PTPRD: variants seen among roughly 807,000 people sequenced by gnomAD.
PTPRD encodes receptor-type tyrosine-protein phosphatase delta.
Under a neutral mutation model 214.5 loss-of-function variants are expected in PTPRD, and 34 were observed. The ratio of observed to expected loss-of-function variants is 0.16; its 90% CI spans 0.12 to 0.21. The LOEUF (loss-of-function observed/expected upper bound fraction) is 0.21. Among genes scored for constraint, PTPRD ranks in the 10% least tolerant of loss-of-function variants. The pLI is 1.00. For missense variants in PTPRD, 2,545 were observed against 2,398.7 expected, an observed-to-expected ratio of 1.06 and a Z score of -1.27; for synonymous variants, 1,128 against 845.7, an observed-to-expected ratio of 1.33 and a Z score of -5.79.
chr9:9,658,358 T>C (rs113080994), intron 7 of PTPRD, among the ~76,000 whole-genome samples: 4,913 of 152,304 alleles, frequency 0.032, 120 homozygotes, highest in Middle Eastern at 0.051. Flanking sequence ...TTCTTTACCC[T>C]AAAAGGACTT....
chr9:9,999,843 G>C (rs920921639), intron 4 of PTPRD, among the ~76,000 whole-genome samples: 2 of 152,184 alleles, frequency 1.3e-5, no homozygotes, highest in African/African-American at 4.8e-5. Context: ...TGCACTCTAA[G>C]CTATGAAAAG....
At chr9:10,130,659 T>C (rs1016582081) in intron 3 of PTPRD, among the ~76,000 whole-genome samples, 1 of 151,968 alleles carries the variant, frequency 6.6e-6, no homozygotes. Context: ...CGATTATAAG[T>C]AAAAACTAAT....
chr9:10,561,145 G>T (rs1247648603), intron 2 of PTPRD, among the ~76,000 whole-genome samples: 2 of 152,058 alleles, frequency 1.3e-5, no homozygotes, highest in African/African-American at 4.8e-5. Flanking sequence ...TCTAGATTTT[G>T]GTTTTAAACA....
At chr9:9,711,014 G>C (rs1406277603) in intron 7 of PTPRD, among the ~76,000 whole-genome samples, 2 of 152,096 alleles carry the variant, frequency 1.3e-5, no homozygotes, top group East Asian at 3.9e-4. Context: ...GACAACGTGT[G>C]AATGTGCCCT....
At chr9:9,091,261 A>C (rs1182438055) in intron 10 of PTPRD, 2 of 1,239,066 alleles carry the variant, frequency 1.6e-6, no homozygotes, top group East Asian at 2.3e-5. Context: ...TGAGTTCTTA[A>C]AGACTGAAGA....
At chr9:8,910,798 A>C (rs546776468) in intron 11 of PTPRD, among the ~76,000 whole-genome samples, 1 of 152,244 alleles carries the variant, frequency 6.6e-6, no homozygotes, top group Non-Finnish European at 1.5e-5. Context: ...AATTAATTTT[A>C]TTTCTATGCA....
intron 8 of PTPRD, among the ~76,000 whole-genome samples, chr9:9,567,867 G>C (rs10977847): frequency 6.6e-6 from 1 of 151,870 alleles, no homozygotes; most frequent in Admixed American, 6.6e-5. Flanking sequence ...GATGTGAAAA[G>C]GTATTTGCTG....
At chr9:9,710,614 T>A (rs1029041755) in intron 7 of PTPRD, among the ~76,000 whole-genome samples, 5 of 151,820 alleles carry the variant, frequency 3.3e-5, no homozygotes, top group South Asian at 2.1e-4. Context: ...GTTTTTTTTT[T>A]AATTTAGGAG....
intron 12 of PTPRD, among the ~76,000 whole-genome samples, chr9:8,720,962 T>A (rs988278092): frequency 2.6e-5 from 4 of 152,100 alleles, no homozygotes; most frequent in South Asian, 2.1e-4. Context: ...CAGGGAATCA[T>A]GAGTGTGTGT....
At chr9:10,285,605 C>CT (rs34225956) in intron 3 of PTPRD, among the ~76,000 whole-genome samples, 2,377 of 103,928 alleles carry the variant, frequency 0.023, 122 homozygotes, top group African/African-American at 0.046. Flanking sequence ...GGGGTCTCAT[C>CT]TTTTTTTTTT....
intron 8 of PTPRD, among the ~76,000 whole-genome samples, chr9:9,529,630 A>G (rs2075017587): frequency 6.6e-6 from 1 of 152,136 alleles, no homozygotes; most frequent in Non-Finnish European, 1.5e-5. Context: ...AACTTCTGTT[A>G]TAGTACCAGA....
rs527364842 is a variant in PTPRD at position 8,975,861 on chromosome 9, C to G, written c.-104+42836G>C. ...AAATGATAAATTTTCTCTATGCTAG[C>G]TTTCTTACTTAGCATTATATCATGA... is the stretch of plus-strand genomic sequence containing the variant. On this transcript the variant is annotated intron_variant, in intron 11 of 45. Transcript: ENST00000381196. 1.8e-3 allele frequency among the ~76,000 whole-genome samples: 267 copies of G among 151,616 alleles called. 1 individual carries two copies. The highest frequency in any genetic ancestry group is 6.2e-3 in the African/African-American group (256 of 41,414).
chr9:8,452,278 G>A (rs986150144), intron 33 of PTPRD, among the ~76,000 whole-genome samples: 1 of 152,164 alleles, frequency 6.6e-6, no homozygotes, highest in Non-Finnish European at 1.5e-5. Context: ...AATTCTGGCT[G>A]TCCACATTCT....
intron 9 of PTPRD, among the ~76,000 whole-genome samples, chr9:9,272,072 T>G (rs1353787525): frequency 2.0e-5 from 3 of 150,952 alleles, no homozygotes; most frequent in Non-Finnish European, 4.5e-5. Flanking sequence ...TTGACAGCAA[T>G]TCCCCCCACC....
At chr9:8,728,734 C>A (rs1191801648) in intron 12 of PTPRD, among the ~76,000 whole-genome samples, 1 of 152,116 alleles carries the variant, frequency 6.6e-6, no homozygotes, top group Admixed American at 6.5e-5. Context: ...AATACCAGCA[C>A]TTTAGGAGGC....
intron 2 of PTPRD, among the ~76,000 whole-genome samples, chr9:10,483,037 T>G (rs1311495785): frequency 6.6e-6 from 1 of 152,204 alleles, no homozygotes; most frequent in Non-Finnish European, 1.5e-5. Flanking sequence ...CTTCAAATTA[T>G]ATTGTAAGGC....
intron 11 of PTPRD, among the ~76,000 whole-genome samples, chr9:8,871,911 G>A (rs903718077): frequency 6.6e-6 from 1 of 152,156 alleles, no homozygotes; most frequent in Non-Finnish European, 1.5e-5. Context: ...TAGCCAGTAT[G>A]TAATTCAGAT....
intron 3 of PTPRD, among the ~76,000 whole-genome samples, chr9:10,122,963 C>T (rs1011730765): frequency 2.0e-5 from 3 of 152,220 alleles, no homozygotes; most frequent in East Asian, 1.9e-4. Context: ...TGCCTTTAAG[C>T]GGCCCGCTTG....
intron 14 of PTPRD, among the ~76,000 whole-genome samples, chr9:8,582,477 A>G (rs1415327443): frequency 6.6e-6 from 1 of 152,202 alleles, no homozygotes; most frequent in Non-Finnish European, 1.5e-5. Flanking sequence ...GGCTAGTCCC[A>G]GACTGTGAAA....
Sources: gnomAD v4.1 joint callset for allele counts (sites outside exome capture counted in the v4.1 genomes callset) on GRCh38, gnomAD v4.1.1 for gene constraint, MANE v1.5 for transcripts, NCBI Gene and HGNC (gene_info 2026-07-23, HGNC 2026-07-21) for gene names.